UHRF1: variants seen among roughly 807,000 people sequenced by gnomAD.
UHRF1 encodes the protein ubiquitin like with PHD and ring finger domains 1.
A neutral mutation model predicts 96.5 loss-of-function variants in UHRF1; 9 were observed. The ratio of observed to expected loss-of-function variants is 0.09; its 90% CI spans 0.06 to 0.16. The LOEUF is 0.16. Among genes scored for constraint, UHRF1 ranks in the 10% least tolerant of loss-of-function variants. UHRF1 has a pLI of 1.00. For synonymous variants in UHRF1, 455 were observed against 469.9 expected, an observed-to-expected ratio of 0.97 and a Z score of 0.41; for missense variants, 626 against 1,131.1, an observed-to-expected ratio of 0.55 and a Z score of 6.40.
In UHRF1 at chr19:4,941,881, C is replaced by T. The variant is rs759392410; in HGVS notation, c.1023C>T (p.His341=). ...GCGATGAGTGCGACATGGCCTTCCA[C>T]ATCTACTGCCTGGACCCGCCCCTCA... The part of the protein sequence containing the change: ...LMCDECDMAF[H]IYCLDPPLSS... Residue 341 remains histidine, a synonymous_variant, in exon 7 of 17, where the codon CAC becomes CAT. Transcript: ENST00000650932. 2.1e-5 allele frequency: 32 copies of T among 1,549,342 alleles called. 1 individual carries two copies. In the South Asian group the frequency reaches 3.9e-4, roughly 19 times the overall value.
At chr19:4,951,510 C>T (rs901455160) in intron 13 of UHRF1, among the ~76,000 whole-genome samples, 3 of 152,082 alleles carry the variant, frequency 2.0e-5, no homozygotes, top group African/African-American at 7.2e-5. Flanking sequence ...GATGGCACCC[C>T]CCTAGCTGTC....
chr19:4,911,050 G>A lies in UHRF1; in HGVS notation c.153+12G>A, dbSNP rs1263347052. The A allele has an allele frequency of 1.3e-6, 2 of 1,570,328 alleles. No homozygotes were observed. The highest frequency in any genetic ancestry group is 8.7e-7 in the Non-Finnish European group (1 of 1,154,442). ...ACAGGGGCAAACAGGTACACCCGCC[G>A]CCAGCACCTTTGTTCTATGCCTGGT... On this transcript the variant is annotated intron_variant, in intron 2 of 16. Coordinates refer to ENST00000650932, the MANE Select transcript of UHRF1 (RefSeq NM_001048201.3).
chr19:4,906,693 C>T (rs1269739778), upstream of UHRF1, among the ~76,000 whole-genome samples: 8 of 152,028 alleles, frequency 5.3e-5, no homozygotes, highest in East Asian at 3.9e-4. Context: ...GTGGAGGTTG[C>T]GGAGAGCCAA....
At chr19:4,911,784 C>T (rs17884312) in intron 2 of UHRF1, among the ~76,000 whole-genome samples, 19,797 of 152,122 alleles carry the variant, frequency 0.13, 1,676 homozygotes, top group Middle Eastern at 0.2. Context: ...GTGGGACCTA[C>T]TGGGAGTGGG....
chr19:4,940,065 A>G (rs1272398620), intron 5 of UHRF1, among the ~76,000 whole-genome samples: 1 of 151,948 alleles, frequency 6.6e-6, no homozygotes, highest in Non-Finnish European at 1.5e-5. Flanking sequence ...GACCTGGTAC[A>G]AAAGAAGAAT....
At chr19:4,923,210 C>T (rs1021871443) in intron 2 of UHRF1, among the ~76,000 whole-genome samples, 2 of 152,214 alleles carry the variant, frequency 1.3e-5, no homozygotes, top group East Asian at 3.9e-4. Context: ...TCTGTCTCCT[C>T]CCCGACTTGT....
At chr19:4,909,286 C>T (rs2032149649), upstream of UHRF1, 1 of 541,208 alleles carries the variant, frequency 1.8e-6, no homozygotes. Context: ...CACGCAGCCC[C>T]TTTGCACGCT....
chr19:4,928,459 C>A (rs934921499), intron 2 of UHRF1, among the ~76,000 whole-genome samples: 1 of 152,174 alleles, frequency 6.6e-6, no homozygotes, highest in Non-Finnish European at 1.5e-5. Flanking sequence ...TGATGAGCTC[C>A]TCCTTGCATA....
intron 2 of UHRF1, among the ~76,000 whole-genome samples, chr19:4,919,177 A>G (rs73532696): frequency 0.065 from 9,921 of 151,494 alleles, 530 homozygotes; most frequent in African/African-American, 0.14. Flanking sequence ...GGTAAATTTT[A>G]TAGTGATGGG....
At chr19:4,919,594 G>A (rs1164741919) in intron 2 of UHRF1, among the ~76,000 whole-genome samples, 3 of 151,906 alleles carry the variant, frequency 2.0e-5, no homozygotes, top group Admixed American at 6.6e-5. Flanking sequence ...GAGCCACCGC[G>A]CCTAGCCCAT....
chr19:4,906,946 G>T (rs1225893230), upstream of UHRF1, among the ~76,000 whole-genome samples: 1 of 152,138 alleles, frequency 6.6e-6, no homozygotes, highest in Non-Finnish European at 1.5e-5. Flanking sequence ...TGTGGTGTGG[G>T]TTCTACCTGG....
At chr19:4,932,391 AGTCCTGTTGGATTGGG>A (rs1339504012) in intron 4 of UHRF1, among the ~76,000 whole-genome samples, 10 of 152,344 alleles carry the variant, frequency 6.6e-5, no homozygotes, top group African/African-American at 2.4e-4. Context: ...TAAAGACACC[AGTCCTGTTGGATTGGG>A]GCCCACCCTA....
At chr19:4,929,079 C>T (rs1175291118) in intron 2 of UHRF1, 143 bp from the exon 3 acceptor site, 1 of 1,208,636 alleles carries the variant, frequency 8.3e-7, no homozygotes, top group Non-Finnish European at 1.1e-6. Context: ...TGGCATGGCC[C>T]AGGTATCATG....
At chr19:4,907,698 C>T (rs2032093466), upstream of UHRF1, among the ~76,000 whole-genome samples, 1 of 140,746 alleles carries the variant, frequency 7.1e-6, no homozygotes, top group Admixed American at 7.7e-5. Flanking sequence ...TGCCTCTTGG[C>T]CTGATCTTTT....
chr19:4,947,343 G>T (rs576632962), intron 11 of UHRF1, 132 bp downstream of exon 11: 3 of 813,322 alleles, frequency 3.7e-6, no homozygotes, highest in South Asian at 1.7e-5. Context: ...CCTGGCATTT[G>T]GTTCCTCCCT....
At position 4,959,094 on chromosome 19, in the gene UHRF1, GC is replaced by G. The variant is rs1259109820; in HGVS notation, c.2236-1561del. 8.6e-5 allele frequency among the ~76,000 whole-genome samples: 13 copies of G among 151,872 alleles called. No homozygotes were observed. In the East Asian group the frequency reaches 2.3e-3, roughly 27 times the overall value. ...CTCGCGGGGCTAAAGAGATCCTCCT[GC>G]CTTAGCCTCCTGAGTAGCTGGGGCT... is the stretch of plus-strand genomic sequence containing the variant. On this transcript the variant is annotated intron_variant, in intron 16 of 16. Transcript: ENST00000650932.
Position 4,954,742 on chromosome 19 carries a change from A to G in UHRF1, c.2050A>G (p.Ile684Val), listed in dbSNP as rs1334735273. Residue 684 changes from isoleucine (I) to valine (V), a missense_variant, in exon 15 of 17, where the codon ATC (isoleucine) becomes GTC (valine). This residue lies in a region of UHRF1 where 90 missense variants were observed against 94.7 expected (regional missense o/e 0.95). Coordinates refer to ENST00000650932, the MANE Select transcript of UHRF1 (RefSeq NM_001048201.3). The surrounding 1 kb of genome is among the most constrained non-coding windows in gnomAD (Gnocchi z 5.9). ...YSLTAQQSSL[I>V]REDKSNAKLW... Reference sequence around the variant, plus strand: ...TCTCACGGCCCAGCAGAGCAGCCTCATCAGAGAGGACAAGAGCAACGCCAA... The same window carrying G: ...TCTCACGGCCCAGCAGAGCAGCCTCGTCAGAGAGGACAAGAGCAACGCCAA... The G allele has an allele frequency of 6.2e-7, 1 of 1,612,300 alleles. No homozygotes were observed. The highest frequency in any genetic ancestry group is 8.5e-7 in the Non-Finnish European group (1 of 1,178,398).
chr19:4,927,938 C>A lies in UHRF1; in HGVS notation c.154-1284C>A, dbSNP rs144692778. On this transcript the variant is annotated intron_variant, in intron 2 of 16. Coordinates refer to ENST00000650932, the MANE Select transcript of UHRF1 (RefSeq NM_001048201.3). ...GGGGCAGACGTGGAAACCAGGGGGA[C>A]CCCCAGCTCCTGGGATTCACCTCCT... Among the ~76,000 whole-genome samples the A allele has an allele frequency of 2.6e-5, 4 of 152,318 alleles. No homozygotes were observed. In the East Asian group the frequency reaches 7.7e-4, roughly 29 times the overall value.
At chr19:4,956,885 C>A in intron 16 of UHRF1, 72 bp downstream of exon 16, 3 of 1,047,982 alleles carry the variant, frequency 2.9e-6, no homozygotes, top group South Asian at 1.3e-5. Context: ...TTCCCACATG[C>A]CTGCCACTAC....
Sources: allele counts gnomAD v4.1 joint callset (sites outside exome capture counted in the v4.1 genomes callset), GRCh38; gene constraint gnomAD v4.1.1; regional missense constraint gnomAD v4.1.1; non-coding constraint Gnocchi (gnomAD v3.1); transcripts MANE v1.5; gene names NCBI Gene and HGNC (gene_info 2026-07-23, HGNC 2026-07-21).